SERPINA1: variants seen among roughly 807,000 people sequenced by gnomAD.
The protein encoded by SERPINA1 is serpin family A member 1.
In SERPINA1, 21 loss-of-function variants were observed where a neutral mutation model predicts 25.4. The ratio of observed to expected loss-of-function variants is 0.83; its 90% CI spans 0.59 to 1.19. The LOEUF (loss-of-function observed/expected upper bound fraction) is 1.19, where lower values mean the gene tolerates loss of function less well. Ranked by LOEUF, SERPINA1 falls within the 50% of genes most tolerant of loss-of-function variation. The probability of loss-of-function intolerance (pLI) is 0.00; values close to 1 mark genes in which losing one functional copy is unlikely to be tolerated. For synonymous variants in SERPINA1, 218 were observed against 211.1 expected, an observed-to-expected ratio of 1.03 and a Z score of -0.29; for missense variants, 546 against 509.0, an observed-to-expected ratio of 1.07 and a Z score of -0.70.
At position 94,383,545 on chromosome 14, in the gene SERPINA1, T is replaced by C. The variant is rs1028580; in HGVS notation, c.-4-304A>G. The C allele has an allele frequency of 0.18, 84,171 of 467,008 alleles. 10,588 individuals are homozygous for C. The highest frequency in any genetic ancestry group is 0.47 in the African/African-American group (24,229 of 51,866). 28.9% of individuals were successfully genotyped at this position (467,008 alleles called of 1,614,324 possible). ...ATGAAGAAACCAAAGCCAGAGAGAT[T>C]AGGTCAGCTATTCAATGTCACTGAG... On this transcript the variant is annotated intron_variant, in intron 1 of 4. Coordinates refer to ENST00000393087, the MANE Select transcript of SERPINA1 (RefSeq NM_000295.5).
At chr14:94,379,645 C>G (rs780353679) in intron 3 of SERPINA1, 34 bp from the exon 4 acceptor site, 1 of 1,613,948 alleles carries the variant, frequency 6.2e-7, no homozygotes, top group Non-Finnish European at 8.5e-7. Flanking sequence ...AGGCATGGCA[C>G]AGCATTCCTC....
rs775768234 is a variant in SERPINA1 at position 94,378,440 on chromosome 14, G to A, written c.*9C>T. On this transcript the variant is annotated 3_prime_UTR_variant, in exon 5 of 5. Coordinates refer to ENST00000393087, the MANE Select transcript of SERPINA1 (RefSeq NM_000295.5). ...GGATGGAGGGGAGGGGTTGAGGAGC[G>A]AGAGGCAGTTATTTTTGGGTGGGAT... The A allele has an allele frequency of 1.2e-5, 20 of 1,613,252 alleles. No homozygotes were observed. The highest frequency in any genetic ancestry group is 1.6e-4 in the Middle Eastern group (1 of 6,082).
At chr14:94,382,515 G>C in intron 2 of SERPINA1, 77 bp downstream of exon 2, 2 of 1,573,438 alleles carry the variant, frequency 1.3e-6, no homozygotes, top group South Asian at 2.2e-5. Context: ...TTGCCAAGGA[G>C]AGTTCAAGAA....
intron 3 of SERPINA1, 176 bp downstream of exon 3, chr14:94,380,695 G>C (rs997948168): frequency 5.2e-6 from 4 of 767,516 alleles, no homozygotes; most frequent in South Asian, 3.1e-5. Flanking sequence ...CATGGATGGC[G>C]CTGCCTGAAC....
Position 94,383,130 on chromosome 14 carries a change from A to T in SERPINA1, c.108T>A (p.Asp36Glu). 6.2e-7 allele frequency: 1 copy of T among 1,614,166 alleles called. No homozygotes were observed. The highest frequency in any genetic ancestry group is 8.5e-7 in the Non-Finnish European group (1 of 1,180,020). ...DPQGDAAQKT[D>E]TSHHDQDHPT... ...GGTGATCCTGATCATGGTGGGATGT[A>T]TCTGTCTTCTGGGCAGCATCTCCCT... is the stretch of plus-strand genomic sequence containing the variant. The change falls in exon 2 of 5, where the codon GAT (aspartate) becomes GAA (glutamate). Residue 36 changes from aspartate (D) to glutamate (E), a missense_variant. Transcript: ENST00000393087.
At chr14:94,381,919 C>G (rs538300935) in intron 2 of SERPINA1, among the ~76,000 whole-genome samples, 1 of 150,964 alleles carries the variant, frequency 6.6e-6, no homozygotes, top group South Asian at 2.1e-4. Context: ...TGCTGTTTTC[C>G]TGGGACAGTG....
Position 94,381,040 on chromosome 14 carries a change from T to G in SERPINA1, c.748A>C (p.Met250Leu), listed in dbSNP as rs765419872. 3 of 1,614,074 alleles carry G rather than the reference T, an allele frequency of 1.9e-6. No homozygotes were observed. Among genetic ancestry groups the G allele is most frequent in the Non-Finnish European group, 2.5e-6 (3 of 1,180,008 alleles). ...VKVPMMKRLG[M>L]FNIQHCKKLS... is the part of the protein sequence containing the mutation. Reference sequence around the variant, plus strand: ...TTCTTACAGTGCTGGATGTTAAACATGCCTAAACGCTTCATCATAGGCACC... The same window carrying G: ...TTCTTACAGTGCTGGATGTTAAACAGGCCTAAACGCTTCATCATAGGCACC... Residue 250 changes from methionine (M) to leucine (L), a missense_variant, in exon 3 of 5, where the codon ATG (methionine) becomes CTG (leucine). Transcript: ENST00000393087.
chr14:94,381,215 A>T lies in SERPINA1; in HGVS notation c.647-74T>A, dbSNP rs1896892346. ...AAGAGTGTAGCAGAATAAAGAAACCATGAGTCCCCTCCCTGAGAAGCCCTG... is the reference window on the plus strand; with the variant it reads ...AAGAGTGTAGCAGAATAAAGAAACCTTGAGTCCCCTCCCTGAGAAGCCCTG... On this transcript the variant is annotated intron_variant, in intron 2 of 4. Coordinates refer to ENST00000393087, the MANE Select transcript of SERPINA1 (RefSeq NM_000295.5). The T allele has an allele frequency of 2.0e-6, 3 of 1,470,746 alleles. No individual in the cohort carries two copies. The South Asian group carries it at 3.5e-5, about 17-fold the overall frequency. The allele number at this position is 1,470,746 out of a possible 1,614,324, so 91.1% of individuals were successfully genotyped here.
chr14:94,381,359 G>A (rs1896902014), intron 2 of SERPINA1, among the ~76,000 whole-genome samples: 1 of 152,316 alleles, frequency 6.6e-6, no homozygotes, highest in East Asian at 1.9e-4. Context: ...ACTAGAGGAA[G>A]ATGCAGAATT....
chr14:94,379,314 G>A (rs574506076), intron 4 of SERPINA1, 150 bp downstream of exon 4: 1 of 1,185,306 alleles, frequency 8.4e-7, no homozygotes, highest in Non-Finnish European at 1.2e-6. Flanking sequence ...CACGTCCCGT[G>A]TCAGTGAATC....
chr14:94,381,719 A>G (rs532206262), intron 2 of SERPINA1, among the ~76,000 whole-genome samples: 11 of 152,292 alleles, frequency 7.2e-5, no homozygotes, highest in African/African-American at 2.6e-4. Context: ...CAGCTTTCTC[A>G]TTGGACAGAA....
At chr14:94,383,289 T>C (rs1291507641) in intron 1 of SERPINA1, 48 bp from the exon 2 acceptor site, 3 of 1,580,018 alleles carry the variant, frequency 1.9e-6, no homozygotes, top group Non-Finnish European at 2.6e-6. Flanking sequence ...AGGCACATGA[T>C]GACTCCCAGT....
intron 3 of SERPINA1, chr14:94,380,570 T>C (rs112302576): frequency 5.3e-4 from 245 of 461,712 alleles, no homozygotes; most frequent in African/African-American, 4.6e-3. Flanking sequence ...GTGGTGCTGC[T>C]GTCCCTGCCC....
chr14:94,382,880 A>C lies in SERPINA1; in HGVS notation c.358T>G (p.Phe120Val). The change falls in exon 2 of 5, where the codon TTC becomes GTC. Residue 120 changes from phenylalanine (F) to valine (V), a missense_variant. Phe to Val is a conservative substitution (Grantham distance 50). Coordinates refer to ENST00000393087, the MANE Select transcript of SERPINA1 (RefSeq NM_000295.5). The stretch of plus-strand genomic sequence containing the variant: ...TTGAGGGTACGGAGGAGTTCCTGGA[A>C]GCCTTCATGGATCTGAGCCTCCGGA... ...EIPEAQIHEG[F>V]QELLRTLNQP... The C allele has an allele frequency of 6.2e-7, 1 of 1,614,126 alleles. No homozygotes were observed. Among genetic ancestry groups the C allele is most frequent in the Non-Finnish European group, 8.5e-7 (1 of 1,179,950 alleles).
Position 94,378,627 on chromosome 14 carries a change from G to A in SERPINA1, c.1079C>T (p.Ala360Val). 1 of 1,614,106 alleles carries A rather than the reference G, an allele frequency of 6.2e-7. No homozygotes were observed. The highest frequency in any genetic ancestry group is 2.2e-5 in the East Asian group (1 of 44,874). Residue 360 changes from alanine to valine, a missense_variant, in exon 5 of 5, where the codon GCT becomes GTT. Physicochemically the swap from Ala to Val is moderately conservative, Grantham distance 64. Coordinates refer to ENST00000393087, the MANE Select transcript of SERPINA1 (RefSeq NM_000295.5). ...CCCTTTCTCGTCGATGGTCAGCACAGCCTTATGCACGGCCTGGAGGGGAGA... is the reference window on the plus strand; with the variant it reads ...CCCTTTCTCGTCGATGGTCAGCACAACCTTATGCACGGCCTGGAGGGGAGA... ...PLKLSKAVHKAVLTIDEKGTE... is the reference protein window; with the variant it reads ...PLKLSKAVHKVVLTIDEKGTE...
Position 94,380,886 on chromosome 14 carries a change from T to G in SERPINA1, c.902A>C (p.Glu301Ala). ...GGGGAATCACCTTCTGTCTTCATTT[T>G]CCAGGAACTTGGTGATGATATCGTG... Reference protein sequence around the residue: ...LTHDIITKFLENEDRRSASLH... With the variant: ...LTHDIITKFLANEDRRSASLH... Residue 301 changes from glutamate to alanine, a missense_variant, in exon 3 of 5, where the codon GAA (glutamate) becomes GCA (alanine). Transcript: ENST00000393087. The G allele has an allele frequency of 6.2e-7, 1 of 1,614,242 alleles. No homozygotes were observed. The highest frequency in any genetic ancestry group is 8.5e-7 in the Non-Finnish European group (1 of 1,180,044).
In SERPINA1 at chr14:94,383,037, G is replaced by C. The variant is rs140744031; in HGVS notation, c.201C>G (p.His67Gln). ...AGAAGATATTGGTGCTGTTGGACTG[G>C]TGTGCCAGCTGGCGGTATAGGCTGA... ...FAFSLYRQLA[H>Q]QSNSTNIFFS... Residue 67 changes from histidine to glutamine, a missense_variant, in exon 2 of 5, where the codon CAC (histidine) becomes CAG (glutamine). His to Gln is a conservative substitution (Grantham distance 24, BLOSUM62 0). Transcript: ENST00000393087. The C allele has an allele frequency of 3.9e-5, 63 of 1,612,980 alleles. No individual in the cohort carries two copies. The highest frequency in any genetic ancestry group is 9.3e-6 in the Non-Finnish European group (11 of 1,179,034).
rs939628945 is a variant in SERPINA1, at chr14:94,378,419, G to A, written c.*30C>T. On this transcript the variant is annotated 3_prime_UTR_variant, in exon 5 of 5. Transcript: ENST00000393087. ...GTCATCCAGGGAGGGGGCCAGGGATGGAGGGGAGGGGTTGAGGAGCGAGAG... is the reference window on the plus strand; with the variant it reads ...GTCATCCAGGGAGGGGGCCAGGGATAGAGGGGAGGGGTTGAGGAGCGAGAG... The A allele has an allele frequency of 3.1e-6, 5 of 1,600,082 alleles. No individual in the cohort carries two copies. The highest frequency in any genetic ancestry group is 4.3e-6 in the Non-Finnish European group (5 of 1,167,294).
At position 94,382,717 on chromosome 14, in the gene SERPINA1, G is replaced by C; in HGVS notation, c.521C>G (p.Thr174Ser). 6.2e-7 allele frequency: 1 copy of C among 1,614,226 alleles called. No individual in the cohort carries two copies. The highest frequency in any genetic ancestry group is 8.5e-7 in the Non-Finnish European group (1 of 1,180,034). Residue 174 changes from threonine (T) to serine (S), a missense_variant, in exon 2 of 5, where the codon ACC becomes AGC. Coordinates refer to ENST00000393087, the MANE Select transcript of SERPINA1 (RefSeq NM_000295.5). The part of the protein sequence containing the change: ...SEAFTVNFGD[T>S]EEAKKQINDY... ...GTTGATCTGTTTCTTGGCCTCTTCG[G>C]TGTCCCCGAAGTTGACAGTGAAGGC...
Sources: gnomAD v4.1 joint callset for allele counts (sites outside exome capture counted in the v4.1 genomes callset) on GRCh38, gnomAD v4.1.1 for gene constraint, MANE v1.5 for transcripts, NCBI Gene and HGNC (gene_info 2026-07-23, HGNC 2026-07-21) for gene names.